The following WDR37 variants were observed in gnomAD, a reference collection of about 807,000 sequenced individuals.
WDR37 encodes WD repeat domain 37.
Under a neutral mutation model 62.9 loss-of-function variants are expected in WDR37, and 19 were observed. The observed-to-expected ratio is 0.30, with a 90% CI of 0.21 to 0.44. WDR37 has a LOEUF of 0.44. Ranked by LOEUF, WDR37 falls within the 20% of genes least tolerant of loss-of-function variation. WDR37 has a pLI of 1.00. For missense variants in WDR37, 474 were observed against 657.6 expected, an observed-to-expected ratio of 0.72 and a Z score of 3.05; for synonymous variants, 250 against 260.9, an observed-to-expected ratio of 0.96 and a Z score of 0.40.
rs142618415 is a variant in WDR37 at position 1,061,684 on chromosome 10, C to T, written c.-41+4716C>T. Among the ~76,000 whole-genome samples the T allele has an allele frequency of 9.6e-3, 1,454 of 152,128 alleles. 12 individuals are homozygous for T. Among genetic ancestry groups the T allele is most frequent in the Non-Finnish European group, 0.016 (1,067 of 67,978 alleles). On this transcript the variant is annotated intron_variant, in intron 1 of 13. Coordinates refer to ENST00000263150, the MANE Select transcript of WDR37 (RefSeq NM_014023.4). ...TGAAACCCCGTCTCTCTTAAAAATACAAAAATTAGCTGGGCATGGTGTTGG... is the reference window on the plus strand; with the variant it reads ...TGAAACCCCGTCTCTCTTAAAAATATAAAAATTAGCTGGGCATGGTGTTGG...
At chr10:1,071,254 G>C (rs1833719210) in intron 1 of WDR37, among the ~76,000 whole-genome samples, 1 of 152,170 alleles carries the variant, frequency 6.6e-6, no homozygotes, top group African/African-American at 2.4e-5. Flanking sequence ...ACTGCATATG[G>C]GTCAGGCATT....
chr10:1,074,339 G>A, intron 2 of WDR37: 1 of 1,241,356 alleles, frequency 8.1e-7, no homozygotes, highest in Non-Finnish European at 1.0e-6. Flanking sequence ...CACAGCAGAG[G>A]CGGTGACTGC....
At position 1,077,980 on chromosome 10, in the gene WDR37, A is replaced by G. The variant is rs139593232; in HGVS notation, c.212A>G (p.Asn71Ser). Residue 71 changes from asparagine (N) to serine (S), a missense_variant, in exon 3 of 14, where the codon AAC (asparagine) becomes AGC (serine). Asn to Ser is a conservative substitution (Grantham distance 46, BLOSUM62 1). Coordinates refer to ENST00000263150, the MANE Select transcript of WDR37 (RefSeq NM_014023.4). Reference protein sequence around the residue: ...LFGQIEREFENLYIENLELRR... With the variant: ...LFGQIEREFESLYIENLELRR... ...GGTCAAATAGAAAGAGAATTTGAAAACCTTTATATCGAAAACTTAGAATGT... is the reference window on the plus strand; with the variant it reads ...GGTCAAATAGAAAGAGAATTTGAAAGCCTTTATATCGAAAACTTAGAATGT... 2,340 of 1,610,354 alleles carry G rather than the reference A, an allele frequency of 1.5e-3. 3 individuals are homozygous for G. The highest frequency in any genetic ancestry group is 1.8e-3 in the Non-Finnish European group (2,136 of 1,178,056).
chr10:1,091,946 C>T (rs1354193968), intron 7 of WDR37, among the ~76,000 whole-genome samples: 3 of 151,722 alleles, frequency 2.0e-5, no homozygotes, highest in African/African-American at 7.3e-5. Context: ...TTTGGGAGGC[C>T]GAGACGGGCG....
intron 13 of WDR37, among the ~76,000 whole-genome samples, chr10:1,128,057 C>G (rs1307154905): frequency 6.6e-6 from 1 of 152,100 alleles, no homozygotes; most frequent in Non-Finnish European, 1.5e-5. Flanking sequence ...CTTTTGTAAC[C>G]CTTTGTTATG....
rs1835683342 is a variant in WDR37 at position 1,124,657 on chromosome 10, AG to A, written c.1239-252del. Among the ~76,000 whole-genome samples, 17 of 149,296 alleles carry A rather than the reference AG, an allele frequency of 1.1e-4. No individual in the cohort carries two copies. The East Asian group carries it at 3.2e-3, about 28-fold the overall frequency. On this transcript the variant is annotated intron_variant, in intron 12 of 13. Coordinates refer to ENST00000263150, the MANE Select transcript of WDR37 (RefSeq NM_014023.4). ...GGTGGGTCTGGTTCTACCATTGAGCAGTGTGTGTGTGTGTGTGTGTGTGTGT... is the reference window on the plus strand; with the variant it reads ...GGTGGGTCTGGTTCTACCATTGAGCATGTGTGTGTGTGTGTGTGTGTGTGT...
intron 1 of WDR37, among the ~76,000 whole-genome samples, chr10:1,057,247 G>A (rs1785644167): frequency 6.6e-6 from 1 of 151,958 alleles, no homozygotes; most frequent in Admixed American, 6.6e-5. Context: ...GTGCCAGAGG[G>A]ACCAGGGTGC....
chr10:1,131,747 A>G lies in WDR37; in HGVS notation c.*2403A>G, dbSNP rs996584293. 3 of 152,072 alleles carry G rather than the reference A, an allele frequency of 2.0e-5. No individual in the cohort carries two copies. Among genetic ancestry groups the G allele is most frequent in the Admixed American group, 1.3e-4 (2 of 15,266 alleles). 9.4% of individuals were successfully genotyped at this position (152,072 alleles called of 1,614,324 possible). ...GTGGCTAAATTAAGTCATACTGTCAACCACACGTGATCTCGTCTGAAACAG... is the reference window on the plus strand; with the variant it reads ...GTGGCTAAATTAAGTCATACTGTCAGCCACACGTGATCTCGTCTGAAACAG... On this transcript the variant is annotated 3_prime_UTR_variant, in exon 14 of 14. Transcript: ENST00000263150.
intron 11 of WDR37, among the ~76,000 whole-genome samples, chr10:1,111,555 C>A (rs746207550): frequency 2.9e-4 from 44 of 152,172 alleles, no homozygotes; most frequent in Non-Finnish European, 2.8e-4. Context: ...GGATGGAGCT[C>A]CGTGCTGTGA....
intron 13 of WDR37, among the ~76,000 whole-genome samples, chr10:1,125,476 C>G (rs535360113): frequency 6.6e-6 from 1 of 152,340 alleles, no homozygotes; most frequent in African/African-American, 2.4e-5. Context: ...TCCCAAAGTG[C>G]TAGGATTACA....
rs1834891499 is a variant in WDR37 at position 1,103,468 on chromosome 10, G to T, written c.727-134G>T. ...TACTCATCACTGTGGCCAGCACCAGGCTCCTAGTGGTGACCATCATGATGG... is the reference window on the plus strand; with the variant it reads ...TACTCATCACTGTGGCCAGCACCAGTCTCCTAGTGGTGACCATCATGATGG... On this transcript the variant is annotated intron_variant, in intron 9 of 13. Coordinates refer to ENST00000263150, the MANE Select transcript of WDR37 (RefSeq NM_014023.4). The surrounding 1 kb of genome is among the most constrained non-coding windows in gnomAD (Gnocchi z 6.3). 2 of 912,626 alleles carry T rather than the reference G, an allele frequency of 2.2e-6. No individual in the cohort carries two copies. Among genetic ancestry groups the T allele is most frequent in the Non-Finnish European group, 3.3e-6 (2 of 601,162 alleles). 56.5% of individuals were successfully genotyped at this position (912,626 alleles called of 1,614,324 possible).
chr10:1,071,003 C>T (rs1430137606), intron 1 of WDR37, among the ~76,000 whole-genome samples: 1 of 152,220 alleles, frequency 6.6e-6, no homozygotes, highest in African/African-American at 2.4e-5. Context: ...GAAATAAGGT[C>T]TTGCCTTGAG....
chr10:1,062,328 G>C (rs1833398180), intron 1 of WDR37, among the ~76,000 whole-genome samples: 1 of 152,236 alleles, frequency 6.6e-6, no homozygotes. Context: ...GGAATAGCCA[G>C]TGAGATAAAA....
chr10:1,129,695 G>T lies in WDR37; in HGVS notation c.*351G>T. 3.4e-5 allele frequency: 6 copies of T among 176,510 alleles called. No individual in the cohort carries two copies. Among genetic ancestry groups the T allele is most frequent in the South Asian group, 1.2e-4 (1 of 8,134 alleles). 10.9% of individuals were successfully genotyped at this position (176,510 alleles called of 1,614,324 possible). ...ATGTGAACTTCTGTATTACGTTGCG[G>T]CGTCGGCAGTCCTGCGTTCCCTGGA... On this transcript the variant is annotated 3_prime_UTR_variant, in exon 14 of 14. Coordinates refer to ENST00000263150, the MANE Select transcript of WDR37 (RefSeq NM_014023.4).
At chr10:1,063,516 T>C (rs973474601) in intron 1 of WDR37, among the ~76,000 whole-genome samples, 1 of 152,166 alleles carries the variant, frequency 6.6e-6, no homozygotes, top group Non-Finnish European at 1.5e-5. Flanking sequence ...TTCCCACTCA[T>C]GACAAGCTGG....
rs906967889 is a variant in WDR37, at chr10:1,056,667, A to T, written c.-342A>T. 6.6e-6 allele frequency: 1 copy of T among 152,198 alleles called. No individual in the cohort carries two copies. The highest frequency in any genetic ancestry group is 1.5e-5 in the Non-Finnish European group (1 of 68,024). 9.4% of individuals were successfully genotyped at this position (152,198 alleles called of 1,614,324 possible). ...TGGCCCAGCAGCCGAAGGGGTCTTC[A>T]GCGCGCCCAGACCCCTCGGGGCTGC... is the stretch of plus-strand genomic sequence containing the variant. On this transcript the variant is annotated 5_prime_UTR_variant, in exon 1 of 14. Transcript: ENST00000263150.
intron 11 of WDR37, among the ~76,000 whole-genome samples, chr10:1,116,954 CTGCAG>C (rs1835420204): frequency 6.6e-6 from 1 of 151,988 alleles, no homozygotes; most frequent in Admixed American, 6.5e-5. Flanking sequence ...GTGCCACCAC[CTGCAG>C]AGCTGCCGTT....
At chr10:1,095,158 A>G (rs2131644463) in intron 8 of WDR37, among the ~76,000 whole-genome samples, 1 of 138,936 alleles carries the variant, frequency 7.2e-6, no homozygotes, top group South Asian at 2.5e-4. Flanking sequence ...AGATGAGGTA[A>G]TGAACATGGA....
rs974416575 is a variant in WDR37, at chr10:1,121,969, A to G, written c.1104-2249A>G. ...GTACTTTGATGTTATATTTTTAAAA[A>G]CCTTGTCTTAATGCAGTGGAACTTA... On this transcript the variant is annotated intron_variant, in intron 11 of 13. Transcript: ENST00000263150. This position sits in a 1 kb window ranked among gnomAD's most constrained non-coding sequence, Gnocchi z 4.5. Among the ~76,000 whole-genome samples the G allele has an allele frequency of 1.1e-4, 16 of 151,300 alleles. No homozygotes were observed. The highest frequency in any genetic ancestry group is 7.4e-5 in the Non-Finnish European group (5 of 67,818).
Sources: allele counts gnomAD v4.1 joint callset (sites outside exome capture counted in the v4.1 genomes callset), GRCh38; gene constraint gnomAD v4.1.1; non-coding constraint Gnocchi (gnomAD v3.1); transcripts MANE v1.5; gene names NCBI Gene and HGNC (gene_info 2026-07-23, HGNC 2026-07-21).